NELL1: variants seen among roughly 807,000 people sequenced by gnomAD.
NELL1 encodes the protein neural EGFL like 1, also known as protein kinase C-binding protein NELL1.
In NELL1, 76 loss-of-function variants were observed where a neutral mutation model predicts 107.4. The ratio of observed to expected loss-of-function variants is 0.71; its 90% CI spans 0.59 to 0.86. The LOEUF is 0.86. Ranked by LOEUF, NELL1 falls within the 40% of genes least tolerant of loss-of-function variation. NELL1 has a pLI of 0.00. For synonymous variants in NELL1, 353 were observed against 341.2 expected, an observed-to-expected ratio of 1.03 and a Z score of -0.38; for missense variants, 1,024 against 1,005.5, an observed-to-expected ratio of 1.02 and a Z score of -0.25.
In NELL1 at chr11:20,964,966, G is replaced by T. The variant is rs143465728; in HGVS notation, c.1300+4406G>T. On this transcript the variant is annotated intron_variant, in intron 12 of 19. Coordinates refer to ENST00000357134, the MANE Select transcript of NELL1 (RefSeq NM_006157.5). ...AATAATCTTGTATGCCACTGACATTGGTAGGATTTGGGGGTGGGGAGTTAT... is the reference window on the plus strand; with the variant it reads ...AATAATCTTGTATGCCACTGACATTTGTAGGATTTGGGGGTGGGGAGTTAT... Among the ~76,000 whole-genome samples the T allele has an allele frequency of 5.5e-3, 841 of 152,104 alleles. 7 individuals carry two copies. Among genetic ancestry groups the T allele is most frequent in the African/African-American group, 0.019 (801 of 41,486 alleles).
chr11:20,800,592 A>G (rs907841541), intron 3 of NELL1, among the ~76,000 whole-genome samples: 3 of 152,146 alleles, frequency 2.0e-5, no homozygotes, highest in African/African-American at 4.8e-5. Flanking sequence ...GATTCTGGAT[A>G]TTAGACCTCT....
Position 21,097,431 on chromosome 11 carries a change from G to A in NELL1, c.1301-16158G>A, listed in dbSNP as rs574132300. Among the ~76,000 whole-genome samples the A allele has an allele frequency of 2.7e-3, 416 of 152,236 alleles. 7 individuals are homozygous for A. Among genetic ancestry groups the A allele is most frequent in the Admixed American group, 0.01 (158 of 15,284 alleles). ...ACCAGGGGGTTTTTATATCCTGGAC[G>A]CAGTCCTTATCTCTTTGTCCCTCCC... is the stretch of plus-strand genomic sequence containing the variant. On this transcript the variant is annotated intron_variant, in intron 12 of 19. Coordinates refer to ENST00000357134, the MANE Select transcript of NELL1 (RefSeq NM_006157.5).
intron 4 of NELL1, among the ~76,000 whole-genome samples, chr11:20,872,625 C>G (rs1849223978): frequency 6.6e-6 from 1 of 150,398 alleles, no homozygotes; most frequent in Admixed American, 6.7e-5. Flanking sequence ...GTCAGAAAGT[C>G]AAAGAATACT....
intron 14 of NELL1, among the ~76,000 whole-genome samples, chr11:21,294,118 A>G (rs1215493534): frequency 6.6e-6 from 1 of 151,996 alleles, no homozygotes; most frequent in Non-Finnish European, 1.5e-5. Context: ...ATGGCAAAAA[A>G]CTGTTAACAC....
chr11:21,403,768 G>A (rs552692725), intron 15 of NELL1, among the ~76,000 whole-genome samples: 1 of 151,778 alleles, frequency 6.6e-6, no homozygotes, highest in South Asian at 2.1e-4. Flanking sequence ...ATGGATGTTG[G>A]GCATGCAGAA....
intron 4 of NELL1, among the ~76,000 whole-genome samples, chr11:20,849,631 C>T (rs1848761205): frequency 6.6e-6 from 1 of 152,116 alleles, no homozygotes; most frequent in South Asian, 2.1e-4. Context: ...TGGCTTGTGG[C>T]ATAACATGTC....
At chr11:21,122,346 G>A (rs943150970) in intron 13 of NELL1, among the ~76,000 whole-genome samples, 1 of 152,164 alleles carries the variant, frequency 6.6e-6, no homozygotes, top group Non-Finnish European at 1.5e-5. Flanking sequence ...GTTGAGGCTG[G>A]TCTTGCAGCT....
intron 19 of NELL1, 118 bp downstream of exon 19, chr11:21,573,527 C>A: frequency 1.2e-6 from 1 of 849,154 alleles, no homozygotes; most frequent in Non-Finnish European, 1.9e-6. Flanking sequence ...GAAACTCTGG[C>A]ATACATTTAC....
At chr11:21,134,895 A>G (rs1301986832) in intron 13 of NELL1, among the ~76,000 whole-genome samples, 1 of 152,200 alleles carries the variant, frequency 6.6e-6, no homozygotes, top group East Asian at 1.9e-4. Flanking sequence ...AACTTTGCTG[A>G]AGTTTAATCT....
At chr11:21,180,676 A>G (rs553795780) in intron 13 of NELL1, among the ~76,000 whole-genome samples, 3 of 151,820 alleles carry the variant, frequency 2.0e-5, no homozygotes, top group South Asian at 4.1e-4. Flanking sequence ...ACATTTTATC[A>G]TAGAAGTTCC....
Position 21,074,807 on chromosome 11 carries a change from A to G in NELL1, c.1301-38782A>G, listed in dbSNP as rs781078485. Among the ~76,000 whole-genome samples, 31 of 152,294 alleles carry G rather than the reference A, an allele frequency of 2.0e-4. No homozygotes were observed. The Middle Eastern group carries it at 0.01, about 50-fold the overall frequency. ...GTCAAGCCTGAGAACCCCTGGAGAA[A>G]GACTAGCAGGAGGCTCTTATATACT... is the stretch of plus-strand genomic sequence containing the variant. On this transcript the variant is annotated intron_variant, in intron 12 of 19. Coordinates refer to ENST00000357134, the MANE Select transcript of NELL1 (RefSeq NM_006157.5).
intron 14 of NELL1, among the ~76,000 whole-genome samples, chr11:21,350,263 G>T (rs1320708421): frequency 6.6e-6 from 1 of 151,952 alleles, no homozygotes; most frequent in Admixed American, 6.6e-5. Context: ...GATGTTGGAA[G>T]TTCCTGATCC....
chr11:20,835,862 G>T (rs950540522), intron 3 of NELL1, among the ~76,000 whole-genome samples: 4 of 151,944 alleles, frequency 2.6e-5, no homozygotes, highest in African/African-American at 9.7e-5. Context: ...CATAACTTTC[G>T]GTTCAGTGAT....
chr11:20,910,317 A>T (rs912878264), intron 5 of NELL1, among the ~76,000 whole-genome samples: 1 of 152,220 alleles, frequency 6.6e-6, no homozygotes, highest in Non-Finnish European at 1.5e-5. Context: ...TGATCAAAGC[A>T]AGTCACAAGA....
At chr11:21,234,426 C>T (rs140935732) in intron 14 of NELL1, among the ~76,000 whole-genome samples, 2 of 152,154 alleles carry the variant, frequency 1.3e-5, no homozygotes, top group Non-Finnish European at 2.9e-5. Flanking sequence ...GGCCCACCAA[C>T]TTTGGGGTTT....
chr11:21,453,808 CTT>C (rs58447670), intron 15 of NELL1, among the ~76,000 whole-genome samples: 14 of 139,484 alleles, frequency 1.0e-4, no homozygotes, highest in East Asian at 2.1e-4. Flanking sequence ...TTTTCTTTCC[CTT>C]TTTTTTTTTT....
chr11:21,203,262 CTT>C (rs1476604868), intron 13 of NELL1, among the ~76,000 whole-genome samples: 2 of 152,108 alleles, frequency 1.3e-5, no homozygotes, highest in Non-Finnish European at 2.9e-5. Flanking sequence ...GTCTAAGTCT[CTT>C]TGTAGGTCTC....
At chr11:21,457,503 A>C (rs1379862521) in intron 15 of NELL1, among the ~76,000 whole-genome samples, 1 of 152,196 alleles carries the variant, frequency 6.6e-6, no homozygotes, top group Admixed American at 6.5e-5. Context: ...TTTCTTTCTG[A>C]AACACAGGCA....
chr11:21,023,225 A>G (rs1852741549), intron 12 of NELL1, among the ~76,000 whole-genome samples: 1 of 152,106 alleles, frequency 6.6e-6, no homozygotes, highest in Admixed American at 6.6e-5. Context: ...TTCCAGAGCC[A>G]AGCAGTGTGT....
Sources: allele counts gnomAD v4.1 joint callset (sites outside exome capture counted in the v4.1 genomes callset), GRCh38; gene constraint gnomAD v4.1.1; transcripts MANE v1.5; gene names NCBI Gene and HGNC (gene_info 2026-07-23, HGNC 2026-07-21).